Variants in CPN2 observed in about 807,000 individuals in gnomAD.
The protein encoded by CPN2 is carboxypeptidase N subunit 2, also known as carboxypeptidase N 83 kDa chain.
For synonymous variants in CPN2, 336 were observed against 318.4 expected (o/e 1.06, Z -0.59); for missense variants, 620 against 671.4 (o/e 0.92, Z 0.85).
In CPN2 at chr3:194,340,843, G is replaced by A; in HGVS notation, c.*222C>T. 1 of 625,512 alleles carries A rather than the reference G, an allele frequency of 1.6e-6. No individual in the cohort carries two copies. The highest frequency in any genetic ancestry group is 2.6e-6 in the Non-Finnish European group (1 of 384,620). The allele number at this position is 625,512 out of a possible 1,614,324, so 38.7% of individuals were successfully genotyped here. On this transcript the variant is annotated 3_prime_UTR_variant, in exon 2 of 2. Transcript: ENST00000323830. The stretch of plus-strand genomic sequence containing the variant: ...AGGGTGCTTTGCAAGGCATAAGGAT[G>A]GCCTTGTTAGGCCGCACACTCCAGG...
rs1249655286 is a variant in CPN2 at position 194,349,786 on chromosome 3, T to C, written c.-4+1456A>G. On this transcript the variant is annotated intron_variant, in intron 1 of 1. Transcript: ENST00000323830. ...TTCCTGACTACCCTCTTCTTTTTTT[T>C]TTTTTTTTTTTTTTTTTTTTTTTTT... Among the ~76,000 whole-genome samples the C allele has an allele frequency of 4.0e-3, 55 of 13,658 alleles. 1 individual carries two copies. The highest frequency in any genetic ancestry group is 0.027 in the African/African-American group (53 of 1,966). 9.0% of individuals were successfully genotyped at this position (13,658 alleles called of 152,430 possible).
intron 1 of CPN2, among the ~76,000 whole-genome samples, chr3:194,343,938 G>A (rs1054348979): frequency 4.6e-5 from 7 of 152,138 alleles, no homozygotes; most frequent in African/African-American, 1.7e-4. Context: ...TCTTTAGACG[G>A]AATACACTTG....
chr3:194,347,675 AGTTCAGCCCACCCCACC>A (rs1713097815), intron 1 of CPN2, among the ~76,000 whole-genome samples: 8 of 9,182 alleles, frequency 8.7e-4, no homozygotes, highest in African/African-American at 3.0e-3. Flanking sequence ...TCCGCTGCCC[AGTTCAGCCCACCCCACC>A]CTCTGCCCAG....
chr3:194,344,643 C>T (rs977313502), intron 1 of CPN2, among the ~76,000 whole-genome samples: 31 of 152,044 alleles, frequency 2.0e-4, no homozygotes, highest in Admixed American at 3.3e-4. Flanking sequence ...TGCAGTAAGC[C>T]GAGATCGTGC....
chr3:194,340,925 C>T lies in CPN2; in HGVS notation c.*140G>A, dbSNP rs1712776939. 8 of 1,326,370 alleles carry T rather than the reference C, an allele frequency of 6.0e-6. No homozygotes were observed. Among genetic ancestry groups the T allele is most frequent in the Non-Finnish European group, 7.0e-6 (7 of 1,002,340 alleles). 82.2% of individuals were successfully genotyped at this position (1,326,370 alleles called of 1,614,324 possible). A position where few individuals can be genotyped will look rare whatever the true frequency, so the allele number is the denominator to read the frequency against. On this transcript the variant is annotated 3_prime_UTR_variant, in exon 2 of 2. Coordinates refer to ENST00000323830, the MANE Select transcript of CPN2 (RefSeq NM_001080513.4). The stretch of plus-strand genomic sequence containing the variant: ...CTGGTTAGTGGAGCAGACCAGACTC[C>T]ACCCCCTCACCTTGGGGATGTAACC...
intron 1 of CPN2, among the ~76,000 whole-genome samples, chr3:194,348,796 G>A (rs760000102): frequency 6.6e-6 from 1 of 152,176 alleles, no homozygotes; most frequent in Non-Finnish European, 1.5e-5. Flanking sequence ...AGAGGCTGAG[G>A]TGGGAGGACG....
At chr3:194,349,176 C>T (rs368529668) in intron 1 of CPN2, among the ~76,000 whole-genome samples, 26 of 152,176 alleles carry the variant, frequency 1.7e-4, no homozygotes, top group African/African-American at 5.5e-4. Flanking sequence ...GCCTGGCCAA[C>T]ATGATGAAAC....
chr3:194,341,821 C>T lies in CPN2; in HGVS notation c.882G>A (p.Leu294=), dbSNP rs145998351. ...LFAHTPCLVG[L]SLTHNQLETV... ...TCTCCAGCTGGTTATGGGTCAGAGA[C>T]AGGCCAACCAGGCACGGGGTGTGGG... is the stretch of plus-strand genomic sequence containing the variant. Residue 294 remains leucine, a synonymous_variant, in exon 2 of 2, where the codon CTG becomes CTA. Transcript: ENST00000323830. 1 of 1,613,936 alleles carries T rather than the reference C, an allele frequency of 6.2e-7. No homozygotes were observed. Among genetic ancestry groups the T allele is most frequent in the Non-Finnish European group, 8.5e-7 (1 of 1,179,848 alleles).
chr3:194,341,793 C>T lies in CPN2; in HGVS notation c.910G>A (p.Val304Ile), dbSNP rs1190082297. 7 of 1,614,012 alleles carry T rather than the reference C, an allele frequency of 4.3e-6. No individual in the cohort carries two copies. The African/African-American group carries it at 5.3e-5, about 12-fold the overall frequency. The change falls in exon 2 of 2, where the codon GTC becomes ATC. Residue 304 changes from valine (V) to isoleucine (I), a missense_variant. Val to Ile is a conservative substitution (Grantham distance 29, BLOSUM62 3). Coordinates refer to ENST00000323830, the MANE Select transcript of CPN2 (RefSeq NM_001080513.4). ...LSLTHNQLET[V>I]AEGTFAHLSN... The stretch of plus-strand genomic sequence containing the variant: ...AGGTGGGCAAAGGTGCCCTCAGCGA[C>T]AGTCTCCAGCTGGTTATGGGTCAGA...
intron 1 of CPN2, among the ~76,000 whole-genome samples, chr3:194,349,857 A>G (rs1304542237): frequency 7.9e-6 from 1 of 126,416 alleles, no homozygotes; most frequent in Non-Finnish European, 1.5e-5. Flanking sequence ...GCTGGAGTGC[A>G]GTGACGCCAT....
Position 194,341,358 on chromosome 3 carries a change from G to A in CPN2, c.1345C>T (p.Arg449Trp), listed in dbSNP as rs142681810. The change falls in exon 2 of 2, where the codon CGG becomes TGG. Residue 449 changes from arginine to tryptophan, a missense_variant. Transcript: ENST00000323830. ...GTGACCTGGAAGCCCAAGTGGTCCC[G>A]GGTGACGGGACACACCAGCTGCTTC... ...NEKQLVCPVT[R>W]DHLGFQVTWP... The A allele has an allele frequency of 2.2e-4, 354 of 1,613,882 alleles. No individual in the cohort carries two copies. The highest frequency in any genetic ancestry group is 2.6e-4 in the Non-Finnish European group (306 of 1,180,050).
chr3:194,350,117 G>A (rs1296366701), intron 1 of CPN2, among the ~76,000 whole-genome samples: 4 of 151,952 alleles, frequency 2.6e-5, no homozygotes, highest in Admixed American at 6.6e-5. Flanking sequence ...TTGGGTCCTC[G>A]GATCCCTCTT....
rs763043511 is a variant in CPN2, at chr3:194,342,487, G to A, written c.216C>T (p.Asn72=). 1.2e-6 allele frequency: 2 copies of A among 1,614,214 alleles called. No homozygotes were observed. Among genetic ancestry groups the A allele is most frequent in the Middle Eastern group, 1.6e-4 (1 of 6,062 alleles). ...TTLETRAFGS[N]PNLTKVVFLN... ...GGAAGACCACCTTGGTCAAGTTGGG[G>A]TTACTGCCAAAAGCTCTGGTTTCCA... Residue 72 remains asparagine (N), a synonymous_variant, in exon 2 of 2, where the codon AAC becomes AAT. Transcript: ENST00000323830.
rs111984314 is a variant in CPN2, at chr3:194,346,779, C to T, written c.-3-4074G>A. 4.6e-3 allele frequency among the ~76,000 whole-genome samples: 695 copies of T among 152,308 alleles called. 1 individual carries two copies. Among genetic ancestry groups the T allele is most frequent in the Non-Finnish European group, 6.8e-3 (465 of 68,020 alleles). On this transcript the variant is annotated intron_variant, in intron 1 of 1. Transcript: ENST00000323830. The stretch of plus-strand genomic sequence containing the variant: ...GGCAACGTTAGTGACCCTGATCTTC[C>T]GAGCAGTGCAGCCCCAGCTCTGTGC...
Position 194,342,519 on chromosome 3 carries a change from T to A in CPN2, c.184A>T (p.Thr62Ser). 1 of 1,614,114 alleles carries A rather than the reference T, an allele frequency of 6.2e-7. No individual in the cohort carries two copies. The highest frequency in any genetic ancestry group is 1.7e-5 in the Admixed American group (1 of 60,016). The change falls in exon 2 of 2, where the codon ACC (threonine) becomes TCC (serine). Residue 62 changes from threonine to serine, a missense_variant. Transcript: ENST00000323830. Reference protein sequence around the residue: ...KNIIFVETSFTTLETRAFGSN... With the variant: ...KNIIFVETSFSTLETRAFGSN... The stretch of plus-strand genomic sequence containing the variant: ...CCAAAAGCTCTGGTTTCCAATGTGG[T>A]GAACGAGGTCTCCACAAAGATGATG...
rs1241308406 is a variant in CPN2, at chr3:194,341,487, G to C, written c.1216C>G (p.Leu406Val). The change falls in exon 2 of 2, where the codon CTC (leucine) becomes GTC (valine). Residue 406 changes from leucine to valine, a missense_variant. Coordinates refer to ENST00000323830, the MANE Select transcript of CPN2 (RefSeq NM_001080513.4). ...GTGTACTGCTGCAGCCAGTTGAAGAGGTAGGCCAGGTGGCAGTCGCACTGC... is the reference window on the plus strand; with the variant it reads ...GTGTACTGCTGCAGCCAGTTGAAGACGTAGGCCAGGTGGCAGTCGCACTGC... ...PWQCDCHLAY[L>V]FNWLQQYTDR... 6.2e-7 allele frequency: 1 copy of C among 1,614,216 alleles called. No homozygotes were observed. Among genetic ancestry groups the C allele is most frequent in the East Asian group, 2.2e-5 (1 of 44,886 alleles).
Position 194,341,001 on chromosome 3 carries a change from G to A in CPN2, c.*64C>T, listed in dbSNP as rs560310287. 5.4e-4 allele frequency: 816 copies of A among 1,498,502 alleles called. 4 individuals are homozygous for A. Among genetic ancestry groups the A allele is most frequent in the South Asian group, 5.1e-3 (387 of 75,642 alleles). The allele number at this position is 1,498,502 out of a possible 1,614,324, so 92.8% of individuals were successfully genotyped here. On this transcript the variant is annotated 3_prime_UTR_variant, in exon 2 of 2. Transcript: ENST00000323830. ...GGCTTCGGAGACTCAGCTCCCCTCC[G>A]CCCCTACCTGTCGCCTGGTCAGGCC...
Position 194,341,672 on chromosome 3 carries a change from A to G in CPN2, c.1031T>C (p.Leu344Pro). The change falls in exon 2 of 2, where the codon CTG (leucine) becomes CCG (proline). Residue 344 changes from leucine (L) to proline (P), a missense_variant. Leu to Pro is a moderately conservative substitution (Grantham distance 98, BLOSUM62 -3). Transcript: ENST00000323830. ...CAGCGCCGTAAGGTTGTTGCTGCCC[A>G]GGTAGAGTTTGACCAACTCCTCCAG... ...RDLEELVKLY[L>P]GSNNLTALHP... 6.2e-7 allele frequency: 1 copy of G among 1,614,204 alleles called. No individual in the cohort carries two copies. The highest frequency in any genetic ancestry group is 8.5e-7 in the Non-Finnish European group (1 of 1,180,042).
At chr3:194,348,438 T>C (rs1269365148) in intron 1 of CPN2, among the ~76,000 whole-genome samples, 3 of 152,164 alleles carry the variant, frequency 2.0e-5, no homozygotes, top group African/African-American at 7.2e-5. Flanking sequence ...TCATAATACC[T>C]CAGTCCCGGC....
Sources: gnomAD v4.1 joint callset for allele counts (sites outside exome capture counted in the v4.1 genomes callset) on GRCh38, gnomAD v4.1.1 for gene constraint, MANE v1.5 for transcripts, NCBI Gene and HGNC (gene_info 2026-07-23, HGNC 2026-07-21) for gene names.